The following SLC6A14 variants were observed in gnomAD, a reference collection of about 807,000 sequenced individuals.
The protein encoded by SLC6A14 is sodium- and chloride-dependent neutral and basic amino acid transporter B(0+).
Under a neutral mutation model 51.4 loss-of-function variants are expected in SLC6A14, and 21 were observed. That is an observed-to-expected ratio of 0.41 (90% CI 0.29 to 0.59). The LOEUF (loss-of-function observed/expected upper bound fraction) is 0.59, where lower values mean the gene tolerates loss of function less well. Ranked by LOEUF, SLC6A14 falls within the 20% of genes least tolerant of loss-of-function variation. SLC6A14 has a pLI of 0.31. For synonymous variants in SLC6A14, 177 were observed against 160.7 expected (o/e 1.10, Z -0.77); for missense variants, 371 against 472.8 (o/e 0.78, Z 2.00).
chrX:116,447,468 A>G (rs5952101), intron 7 of SLC6A14, among the ~76,000 whole-genome samples: 1,419 of 112,284 alleles, frequency 0.013, 9 homozygotes, highest in Non-Finnish European at 0.018. Flanking sequence ...CTTTGCCTTC[A>G]GATAATGGCT....
At chrX:116,442,655 G>A (rs577677467) in intron 3 of SLC6A14, 32 bp from the exon 4 acceptor site, 1 of 1,068,740 alleles carries the variant, frequency 9.4e-7, no homozygotes, top group East Asian at 3.4e-5. Context: ...ACTTGAGTTT[G>A]GTTTTTATTT....
At chrX:116,446,638 C>T in intron 6 of SLC6A14, 103 bp from the exon 7 acceptor site, 1 of 625,282 alleles carries the variant, frequency 1.6e-6, no homozygotes, top group Non-Finnish European at 2.5e-6. Flanking sequence ...ATCCCCTGTA[C>T]TTTATTTAAT....
intron 2 of SLC6A14, 144 bp from the exon 3 acceptor site, chrX:116,440,822 T>C (rs1324474767): frequency 1.1e-5 from 6 of 535,910 alleles, no homozygotes; most frequent in East Asian, 3.6e-5. Flanking sequence ...TACTTATTCA[T>C]AGAAAGCAGT....
intron 6 of SLC6A14, among the ~76,000 whole-genome samples, chrX:116,445,644 C>T (rs1299856157): frequency 9.0e-6 from 1 of 111,379 alleles, no homozygotes; most frequent in Non-Finnish European, 1.9e-5. Context: ...TTCTGAAAAA[C>T]ATTCTGTTAT....
At chrX:116,448,113 C>T (rs1927753365) in intron 7 of SLC6A14, among the ~76,000 whole-genome samples, 4 of 112,023 alleles carry the variant, frequency 3.6e-5, no homozygotes, top group African/African-American at 1.3e-4. Flanking sequence ...TAAATACTTA[C>T]AAGAGGATGT....
intron 3 of SLC6A14, 57 bp downstream of exon 3, chrX:116,441,154 T>C (rs1927589127): frequency 3.5e-6 from 4 of 1,140,327 alleles, no homozygotes. Context: ...TGCTTTTTTG[T>C]ATATTTGTGC....
chrX:116,457,911 C>A, intron 13 of SLC6A14, 135 bp downstream of exon 13: 1 of 465,854 alleles, frequency 2.1e-6, no homozygotes, highest in Non-Finnish European at 3.7e-6. Flanking sequence ...TACTTCTATA[C>A]CTGACACAGT....
chrX:116,456,791 C>A (rs1602516028), intron 12 of SLC6A14, among the ~76,000 whole-genome samples: 1 of 110,990 alleles, frequency 9.0e-6, no homozygotes, highest in Non-Finnish European at 1.9e-5. Context: ...ATTGTTTTCT[C>A]GCTGATTTTA....
intron 7 of SLC6A14, among the ~76,000 whole-genome samples, chrX:116,450,257 G>A (rs1384525739): frequency 1.8e-5 from 2 of 111,374 alleles, no homozygotes; most frequent in African/African-American, 3.3e-5. Context: ...ATATATAATA[G>A]TCAAAAGATT....
At chrX:116,438,164 C>T (rs1602509283) in intron 2 of SLC6A14, among the ~76,000 whole-genome samples, 1 of 111,464 alleles carries the variant, frequency 9.0e-6, no homozygotes, top group South Asian at 3.8e-4. Flanking sequence ...TTCACAAAAT[C>T]CTCAGGTATA....
intron 8 of SLC6A14, among the ~76,000 whole-genome samples, chrX:116,452,542 A>G (rs1349354821): frequency 8.9e-6 from 1 of 112,098 alleles, no homozygotes; most frequent in Non-Finnish European, 1.9e-5. Context: ...ACGATTTTGC[A>G]TATATGCATA....
intron 5 of SLC6A14, 65 bp downstream of exon 5, chrX:116,443,855 A>G: frequency 1.2e-6 from 1 of 849,711 alleles, no homozygotes; most frequent in Non-Finnish European, 1.6e-6. Flanking sequence ...AAACAACAAA[A>G]CATTAATCAT....
intron 9 of SLC6A14, 147 bp from the exon 10 acceptor site, chrX:116,454,177 C>A: frequency 4.8e-6 from 2 of 412,817 alleles, no homozygotes; most frequent in Non-Finnish European, 8.4e-6. Context: ...AAAGAAAAAA[C>A]CCTGTGGGTT....
chrX:116,439,470 T>A lies in SLC6A14; in HGVS notation c.215-1496T>A, dbSNP rs782696163. 1.7e-3 allele frequency among the ~76,000 whole-genome samples: 193 copies of A among 111,488 alleles called. 1 individual carries two copies. Among genetic ancestry groups the A allele is most frequent in the African/African-American group, 6.0e-3 (186 of 30,844 alleles). ...AAAAGTTGTTTCTAAAATCTGGAAA[T>A]ATTTTTATCTGTATATTCTTTTTAA... On this transcript the variant is annotated intron_variant, in intron 2 of 13. Coordinates refer to ENST00000598581, the MANE Select transcript of SLC6A14 (RefSeq NM_007231.5).
At chrX:116,441,572 C>T (rs1165574837) in intron 3 of SLC6A14, among the ~76,000 whole-genome samples, 1 of 112,164 alleles carries the variant, frequency 8.9e-6, no homozygotes, top group Non-Finnish European at 1.9e-5. Context: ...ACTGGTAAAG[C>T]TTAAAAATGC....
At chrX:116,438,055 G>A (rs1206099354) in intron 2 of SLC6A14, 100 bp downstream of exon 2, 3 of 578,850 alleles carry the variant, frequency 5.2e-6, no homozygotes, top group East Asian at 7.9e-5. Context: ...TTGAAGGAAG[G>A]CATATGACAG....
At chrX:116,445,276 A>G (rs1556693935) in intron 6 of SLC6A14, among the ~76,000 whole-genome samples, 1 of 110,376 alleles carries the variant, frequency 9.1e-6, no homozygotes, top group Non-Finnish European at 1.9e-5. Context: ...AGAGGTGCAC[A>G]TTTCCTAAAA....
intron 1 of SLC6A14, among the ~76,000 whole-genome samples, chrX:116,437,052 T>C (rs1927496353): frequency 9.0e-6 from 1 of 111,390 alleles, no homozygotes; most frequent in South Asian, 3.9e-4. Flanking sequence ...AAAAGTACAC[T>C]GTTCTTAATT....
chrX:116,438,990 G>T (rs1927540174), intron 2 of SLC6A14, among the ~76,000 whole-genome samples: 1 of 111,204 alleles, frequency 9.0e-6, no homozygotes, highest in Admixed American at 9.6e-5. Context: ...TCATTTAGTT[G>T]TCTTGGTATC....
Sources: allele counts gnomAD v4.1 joint callset (sites outside exome capture counted in the v4.1 genomes callset), GRCh38; gene constraint gnomAD v4.1.1; transcripts MANE v1.5; gene names NCBI Gene and HGNC (gene_info 2026-07-23, HGNC 2026-07-21).